Variants in ADAMTS9 observed in about 807,000 individuals in gnomAD.
The protein encoded by ADAMTS9 is ADAM metallopeptidase with thrombospondin type 1 motif 9.
In ADAMTS9, 107 loss-of-function variants were observed where a neutral mutation model predicts 257.1. The ratio of observed to expected loss-of-function variants is 0.42; its 90% CI spans 0.36 to 0.49. The LOEUF is 0.49. Among genes scored for constraint, ADAMTS9 ranks in the 20% least tolerant of loss-of-function variants. ADAMTS9 has a pLI of 0.03. For missense variants in ADAMTS9, 2,353 were observed against 2,469.1 expected (o/e 0.95, Z 1.00); for synonymous variants, 982 against 880.9 (o/e 1.11, Z -2.03).
chr3:64,601,275 A>AG (rs1283750195), intron 26 of ADAMTS9, among the ~76,000 whole-genome samples: 1 of 152,232 alleles, frequency 6.6e-6, no homozygotes, highest in Non-Finnish European at 1.5e-5. Context: ...AACCCAAGAA[A>AG]GCAGGAATTA....
intron 23 of ADAMTS9, among the ~76,000 whole-genome samples, chr3:64,605,535 T>C (rs2084542142): frequency 1.3e-5 from 2 of 152,348 alleles, no homozygotes; most frequent in Middle Eastern, 3.4e-3. Flanking sequence ...AGGATGGAGA[T>C]AGTACATCAG....
intron 28 of ADAMTS9, chr3:64,592,303 G>A (rs1472269283): frequency 1.3e-5 from 2 of 152,062 alleles, no homozygotes; most frequent in Non-Finnish European, 2.9e-5. Context: ...TTAAAAATGC[G>A]TGCACTTGCT....
chr3:64,539,379 A>G (rs1409823324), intron 36 of ADAMTS9, 85 bp from the exon 37 acceptor site: 1 of 1,104,774 alleles, frequency 9.1e-7, no homozygotes, highest in Non-Finnish European at 1.4e-6. Context: ...ACAAGGAGAC[A>G]GAAGGGAAGA....
intron 32 of ADAMTS9, among the ~76,000 whole-genome samples, chr3:64,545,106 C>A (rs994905899): frequency 2.6e-5 from 4 of 152,196 alleles, no homozygotes; most frequent in African/African-American, 9.7e-5. Flanking sequence ...AGTCAGGGAA[C>A]AACAGGTGCT....
At position 64,602,056 on chromosome 3, in the gene ADAMTS9, C is replaced by G. The variant is rs1185685821; in HGVS notation, c.3905G>C (p.Ser1302Thr). ...TTGGAAGGGGTGCTGAGCTAAGCCA[C>G]TGTCTGGGGTCCTTTGAGGGCATGG... is the stretch of plus-strand genomic sequence containing the variant. ...MSPCPQRTPD[S>T]GLAQHPFQNE... The change falls in exon 26 of 40, where the codon AGT becomes ACT. Residue 1302 changes from serine (S) to threonine (T), a missense_variant. This residue lies in a region of ADAMTS9 where 1,402 missense variants were observed against 1,441.4 expected (regional missense o/e 0.97). Transcript: ENST00000498707. The G allele has an allele frequency of 6.2e-7, 1 of 1,614,058 alleles. No individual in the cohort carries two copies. Among genetic ancestry groups the G allele is most frequent in the South Asian group, 1.1e-5 (1 of 91,064 alleles).
At chr3:64,584,871 C>G (rs1389254313) in intron 28 of ADAMTS9, among the ~76,000 whole-genome samples, 1 of 152,164 alleles carries the variant, frequency 6.6e-6, no homozygotes, top group Non-Finnish European at 1.5e-5. Context: ...CAAGGACACT[C>G]TTTTATGTAA....
In ADAMTS9 at chr3:64,540,934, G is replaced by A. The variant is rs11130970; in HGVS notation, c.5521+161C>T. ...CAAAACTGCCTGCAGGACTATCCTC[G>A]CTGCACTGTAAGCTCCCAATGTTCT... On this transcript the variant is annotated intron_variant, in intron 36 of 39. Coordinates refer to ENST00000498707, the MANE Select transcript of ADAMTS9 (RefSeq NM_182920.2). Among the ~76,000 whole-genome samples, 97,561 of 152,074 alleles carry A rather than the reference G, an allele frequency of 0.64. 35,796 individuals are homozygous for A. Among genetic ancestry groups the A allele is most frequent in the Non-Finnish European group, 0.85 (57,802 of 68,006 alleles).
At position 64,603,912 on chromosome 3, in the gene ADAMTS9, A is replaced by C. The variant is rs1220865403; in HGVS notation, c.3747+10T>G. ...CATTCCCCCTAATTCCAAATAATCC[A>C]CTGGCTTACAGAGCTCCAGTCCAAG... On this transcript the variant is annotated intron_variant, in intron 25 of 39. Transcript: ENST00000498707. The C allele has an allele frequency of 6.2e-7, 1 of 1,612,220 alleles. No homozygotes were observed. Among genetic ancestry groups the C allele is most frequent in the Non-Finnish European group, 8.5e-7 (1 of 1,179,236 alleles).
At chr3:64,585,127 G>A (rs970741483) in intron 28 of ADAMTS9, among the ~76,000 whole-genome samples, 1 of 152,142 alleles carries the variant, frequency 6.6e-6, no homozygotes, top group Non-Finnish European at 1.5e-5. Context: ...TTAGGCAGAA[G>A]GAAATTCAGG....
chr3:64,652,399 T>C (rs1368718494), intron 8 of ADAMTS9, among the ~76,000 whole-genome samples: 1 of 152,206 alleles, frequency 6.6e-6, no homozygotes, highest in Non-Finnish European at 1.5e-5. Flanking sequence ...TAAGAATCTA[T>C]TTTCTTAAAA....
intron 19 of ADAMTS9, 59 bp downstream of exon 19, chr3:64,621,055 G>T (rs1384189168): frequency 1.3e-6 from 2 of 1,551,710 alleles, no homozygotes; most frequent in African/African-American, 1.4e-5. Flanking sequence ...CTCCTGCTGG[G>T]ACCTCCTGCA....
chr3:64,585,100 T>C (rs1189693633), intron 28 of ADAMTS9, among the ~76,000 whole-genome samples: 1 of 152,150 alleles, frequency 6.6e-6, no homozygotes, highest in Non-Finnish European at 1.5e-5. Flanking sequence ...GGCACCCAGT[T>C]TGAACTGTGG....
At chr3:64,553,486 T>C (rs1348348333) in intron 30 of ADAMTS9, among the ~76,000 whole-genome samples, 1 of 152,224 alleles carries the variant, frequency 6.6e-6, no homozygotes, top group Non-Finnish European at 1.5e-5. Context: ...CATTTGGCTA[T>C]TGTAAATAGT....
At chr3:64,656,412 G>A (rs1701070762) in intron 4 of ADAMTS9, among the ~76,000 whole-genome samples, 1 of 152,080 alleles carries the variant, frequency 6.6e-6, no homozygotes, top group African/African-American at 2.4e-5. Context: ...TCTACACAGC[G>A]AAACTCTGGG....
rs141022278 is a variant in ADAMTS9 at position 64,578,093 on chromosome 3, G to A, written c.4357-9558C>T. ...AACTCCAGAACTAAGATTTGCATAC[G>A]TGTCTGAGCCTGTATCCAGAGAAAT... On this transcript the variant is annotated intron_variant, in intron 28 of 39. Transcript: ENST00000498707. 1.5e-3 allele frequency among the ~76,000 whole-genome samples: 221 copies of A among 152,258 alleles called. 1 individual carries two copies. Among genetic ancestry groups the A allele is most frequent in the African/African-American group, 4.9e-3 (202 of 41,548 alleles).
chr3:64,548,391 A>T (rs1224880812), intron 31 of ADAMTS9, among the ~76,000 whole-genome samples: 1 of 152,176 alleles, frequency 6.6e-6, no homozygotes, highest in Admixed American at 6.5e-5. Context: ...AGGCCAGGAA[A>T]GTGTAAGGCC....
At chr3:64,571,919 T>C (rs773902614) in intron 28 of ADAMTS9, among the ~76,000 whole-genome samples, 1 of 152,222 alleles carries the variant, frequency 6.6e-6, no homozygotes, top group Non-Finnish European at 1.5e-5. Flanking sequence ...TCTCAGGCAC[T>C]GACTTTTACA....
At chr3:64,531,827 G>T (rs866489304) in intron 38 of ADAMTS9, among the ~76,000 whole-genome samples, 1 of 152,138 alleles carries the variant, frequency 6.6e-6, no homozygotes, top group African/African-American at 2.4e-5. Context: ...TATTTCTGAG[G>T]CAACCCCAGG....
Position 64,647,964 on chromosome 3 carries a change from A to G in ADAMTS9, c.1686T>C (p.Asp562=). 3 of 1,613,966 alleles carry G rather than the reference A, an allele frequency of 1.9e-6. No homozygotes were observed. Among genetic ancestry groups the G allele is most frequent in the East Asian group, 2.2e-5 (1 of 44,866 alleles). ...CCTTTCCAGGCTCGCACTCCGTCCC[A>G]TCGGCCCAGGGTGTGTGCTGAGTCC... The part of the protein sequence containing the change: ...GCRTQHTPWA[D]GTECEPGKHC... Residue 562 remains aspartate, a synonymous_variant, in exon 11 of 40, where the codon GAT becomes GAC. Coordinates refer to ENST00000498707, the MANE Select transcript of ADAMTS9 (RefSeq NM_182920.2).
Sources: allele counts gnomAD v4.1 joint callset (sites outside exome capture counted in the v4.1 genomes callset), GRCh38; gene constraint gnomAD v4.1.1; regional missense constraint gnomAD v4.1.1; transcripts MANE v1.5; gene names NCBI Gene and HGNC (gene_info 2026-07-23, HGNC 2026-07-21).